The following TPST1 variants were observed in gnomAD, a reference collection of about 807,000 sequenced individuals.
TPST1 encodes protein-tyrosine sulfotransferase 1.
Under a neutral mutation model 34.8 loss-of-function variants are expected in TPST1, and 20 were observed. The observed-to-expected ratio is 0.57, with a 90% CI of 0.40 to 0.84. TPST1 has a LOEUF of 0.84. TPST1 is among the 40% of genes least tolerant of loss of function. The pLI is 0.00. For synonymous variants in TPST1, 152 were observed against 159.4 expected, an observed-to-expected ratio of 0.95 and a Z score of 0.35; for missense variants, 353 against 455.5, an observed-to-expected ratio of 0.78 and a Z score of 2.05.
intron 3 of TPST1, among the ~76,000 whole-genome samples, chr7:66,334,204 C>T (rs1036462213): frequency 6.6e-5 from 10 of 152,078 alleles, no homozygotes; most frequent in Admixed American, 6.6e-5. Context: ...TACCCCACCT[C>T]CCCCTCTGCA....
intron 3 of TPST1, among the ~76,000 whole-genome samples, chr7:66,302,318 T>C (rs1481101526): frequency 6.6e-6 from 1 of 152,204 alleles, no homozygotes; most frequent in Admixed American, 6.5e-5. Flanking sequence ...TTTAGCAAGA[T>C]TGCAGCTGGG....
At chr7:66,305,736 C>G (rs1791409220) in intron 3 of TPST1, among the ~76,000 whole-genome samples, 1 of 152,086 alleles carries the variant, frequency 6.6e-6, no homozygotes, top group Admixed American at 6.5e-5. Flanking sequence ...CTGGGAGAGC[C>G]CACAGCTGCT....
intron 2 of TPST1, among the ~76,000 whole-genome samples, chr7:66,264,292 A>G (rs555605623): frequency 1.3e-3 from 203 of 152,356 alleles, no homozygotes; most frequent in African/African-American, 4.4e-3. Flanking sequence ...TGAGATGTCT[A>G]TGAGAGCTTT....
rs3757417 is a variant in TPST1 at position 66,360,270 on chromosome 7, T to G, written c.*405T>G. The G allele has an allele frequency of 0.098, 21,324 of 218,352 alleles. 1,274 individuals carry two copies. The highest frequency in any genetic ancestry group is 0.12 in the Non-Finnish European group (12,493 of 106,092). The allele number at this position is 218,352 out of a possible 1,614,324, so 13.5% of individuals were successfully genotyped here. ...AATAGGTTGTCTGTACATGTTCTAATGTTTTGTAGAACACGTGTGCCTGTT... is the reference window on the plus strand; with the variant it reads ...AATAGGTTGTCTGTACATGTTCTAAGGTTTTGTAGAACACGTGTGCCTGTT... On this transcript the variant is annotated 3_prime_UTR_variant, in exon 6 of 6. Transcript: ENST00000304842.
intron 2 of TPST1, among the ~76,000 whole-genome samples, chr7:66,273,923 C>T (rs755024859): frequency 7.2e-5 from 11 of 152,154 alleles, no homozygotes; most frequent in Non-Finnish European, 1.2e-4. Flanking sequence ...TCACCTGAGC[C>T]TTCCTAGTAG....
At chr7:66,315,292 GT>G (rs1364299796) in intron 3 of TPST1, among the ~76,000 whole-genome samples, 1 of 152,238 alleles carries the variant, frequency 6.6e-6, no homozygotes, top group Non-Finnish European at 1.5e-5. Context: ...AGGGCACATG[GT>G]TATCAGGCTC....
chr7:66,224,901 C>CTATTTT (rs1789616833), intron 1 of TPST1, among the ~76,000 whole-genome samples: 1 of 42,410 alleles, frequency 2.4e-5, no homozygotes, highest in African/African-American at 1.1e-4. Flanking sequence ...TTCTGGTATT[C>CTATTTT]TTTTTTTTTT....
chr7:66,341,181 T>C (rs1792229580), intron 3 of TPST1, among the ~76,000 whole-genome samples: 2 of 152,250 alleles, frequency 1.3e-5, no homozygotes, highest in Admixed American at 6.5e-5. Flanking sequence ...GACATCTCAC[T>C]GCCTGACTTT....
intron 3 of TPST1, among the ~76,000 whole-genome samples, chr7:66,327,998 T>C (rs532226076): frequency 2.7e-5 from 4 of 147,958 alleles, no homozygotes; most frequent in South Asian, 4.2e-4. Context: ...TTCTTTCTTT[T>C]TTTTTTCCTT....
chr7:66,227,223 G>C (rs573214231), intron 1 of TPST1, among the ~76,000 whole-genome samples: 1 of 151,402 alleles, frequency 6.6e-6, no homozygotes, highest in Non-Finnish European at 1.5e-5. Flanking sequence ...AGTAGAGACG[G>C]GGTTTCACCA....
At chr7:66,338,199 C>G (rs1163696858) in intron 3 of TPST1, among the ~76,000 whole-genome samples, 2 of 151,928 alleles carry the variant, frequency 1.3e-5, no homozygotes, top group African/African-American at 2.4e-5. Context: ...AGTTTTATCA[C>G]ATAAAATAAA....
chr7:66,346,201 A>G (rs1792349202), intron 3 of TPST1, among the ~76,000 whole-genome samples: 2 of 151,898 alleles, frequency 1.3e-5, no homozygotes, highest in Admixed American at 6.6e-5. Context: ...ATATATATAT[A>G]TAATATTTCC....
At chr7:66,260,773 G>C (rs1307034674) in intron 2 of TPST1, among the ~76,000 whole-genome samples, 1 of 152,108 alleles carries the variant, frequency 6.6e-6, no homozygotes, top group African/African-American at 2.4e-5. Context: ...GATTTGTTAG[G>C]TGAGTCTGAA....
chr7:66,319,455 C>T (rs751243614), intron 3 of TPST1, among the ~76,000 whole-genome samples: 7 of 152,172 alleles, frequency 4.6e-5, no homozygotes, highest in Non-Finnish European at 8.8e-5. Context: ...AAAAGTTGAT[C>T]TGAAGTGTTT....
chr7:66,255,077 G>C (rs1284921558), intron 2 of TPST1, among the ~76,000 whole-genome samples: 1 of 151,464 alleles, frequency 6.6e-6, no homozygotes, highest in African/African-American at 2.4e-5. Context: ...AACCCAGGAG[G>C]CGGAGCTTGC....
chr7:66,294,775 A>G (rs1255431366), intron 3 of TPST1, among the ~76,000 whole-genome samples: 1 of 151,724 alleles, frequency 6.6e-6, no homozygotes, highest in African/African-American at 2.4e-5. Flanking sequence ...ATTTTGATGT[A>G]TTTTCTCTCC....
At chr7:66,201,064 T>C (rs764699187), upstream of TPST1, among the ~76,000 whole-genome samples, 1 of 152,086 alleles carries the variant, frequency 6.6e-6, no homozygotes, top group Non-Finnish European at 1.5e-5. Flanking sequence ...TCTGGGCTGA[T>C]CACCTGGAAA....
At chr7:66,245,868 A>G (rs189311998) in intron 2 of TPST1, among the ~76,000 whole-genome samples, 17 of 152,328 alleles carry the variant, frequency 1.1e-4, no homozygotes, top group African/African-American at 4.1e-4. Context: ...ATCCCAGAAG[A>G]ATTTTATAAA....
intron 2 of TPST1, among the ~76,000 whole-genome samples, chr7:66,259,692 AC>A (rs34042568): frequency 0.036 from 5,522 of 152,220 alleles, 155 homozygotes; most frequent in East Asian, 0.079. Context: ...ACACACATGC[AC>A]TGCCTCCCCC....
Sources: gnomAD v4.1 joint callset for allele counts (sites outside exome capture counted in the v4.1 genomes callset) on GRCh38, gnomAD v4.1.1 for gene constraint, MANE v1.5 for transcripts, NCBI Gene and HGNC (gene_info 2026-07-23, HGNC 2026-07-21) for gene names.